The following QRICH2 variants were observed in gnomAD, a reference collection of about 807,000 sequenced individuals.
The protein encoded by QRICH2 is glutamine rich 2.
A neutral mutation model predicts 168.3 loss-of-function variants in QRICH2; 119 were observed. That is an observed-to-expected ratio of 0.71 (90% confidence interval 0.61 to 0.82). The LOEUF is 0.82. Among genes scored for constraint, QRICH2 ranks in the 40% least tolerant of loss-of-function variants. QRICH2 has a pLI of 0.00. For synonymous variants in QRICH2, 894 were observed against 951.2 expected, an observed-to-expected ratio of 0.94 and a Z score of 1.11; for missense variants, 2,241 against 2,491.6, an observed-to-expected ratio of 0.90 and a Z score of 2.14.
chr17:76,281,119 G>A lies in QRICH2; in HGVS notation c.4264-166C>T, dbSNP rs950683373. Among the ~76,000 whole-genome samples, 6 of 152,190 alleles carry A rather than the reference G, an allele frequency of 3.9e-5. No homozygotes were observed. Among genetic ancestry groups the A allele is most frequent in the African/African-American group, 1.2e-4 (5 of 41,446 alleles). ...GCACTTTGGGAAGCTGAGGTGAGGC[G>A]AGAGGATCACTTGAGCCCAGGAGTT... On this transcript the variant is annotated intron_variant, in intron 8 of 18. Coordinates refer to ENST00000680821, the MANE Select transcript of QRICH2 (RefSeq NM_001388453.1). This position sits in a 1 kb window ranked among gnomAD's most constrained non-coding sequence, Gnocchi z 4.4.
In QRICH2 at chr17:76,281,883, T is replaced by G. The variant is rs2070793601; in HGVS notation, c.4244A>C (p.Lys1415Thr). 1 of 1,613,370 alleles carries G rather than the reference T, an allele frequency of 6.2e-7. No individual in the cohort carries two copies. The highest frequency in any genetic ancestry group is 8.5e-7 in the Non-Finnish European group (1 of 1,179,866). ...NSLAVSRPSK[K>T]AKLQRQDEEL... ...CCCCACCTGTCTCTGGAGCTTGGCCTTCTTGGAGGGTCGGGAGACGGCCAG... is the reference window on the plus strand; with the variant it reads ...CCCCACCTGTCTCTGGAGCTTGGCCGTCTTGGAGGGTCGGGAGACGGCCAG... The change falls in exon 8 of 19, where the codon AAG (lysine) becomes ACG (threonine). Residue 1415 changes from lysine to threonine, a missense_variant. This residue lies in a region of QRICH2 where 2,047 missense variants were observed against 2,303.8 expected (regional missense o/e 0.89). Transcript: ENST00000680821. This position sits in a 1 kb window ranked among gnomAD's most constrained non-coding sequence, Gnocchi z 4.4.
At chr17:76,309,533 A>G (rs1366987700), upstream of QRICH2, 1 of 152,168 alleles carries the variant, frequency 6.6e-6, no homozygotes, top group Non-Finnish European at 1.5e-5. Context: ...TAACAGAAGC[A>G]CAGCAAGGCT....
In QRICH2 at chr17:76,292,649, G is replaced by T; in HGVS notation, c.2078C>A (p.Pro693His). The T allele has an allele frequency of 6.2e-7, 1 of 1,614,106 alleles. No individual in the cohort carries two copies. Among genetic ancestry groups the T allele is most frequent in the Non-Finnish European group, 8.5e-7 (1 of 1,180,030 alleles). The change falls in exon 4 of 19, where the codon CCT becomes CAT. Residue 693 changes from proline to histidine, a missense_variant. Transcript: ENST00000680821. ...CACCACATCAATCTGATCTGCACCA[G>T]GTTGGACCAAGCCAGGCTGATATGC... ...PGAYQPGLVQ[P>H]GADQIDVVQP...
At chr17:76,295,465 G>C (rs1230377443) in intron 3 of QRICH2, among the ~76,000 whole-genome samples, 3 of 151,786 alleles carry the variant, frequency 2.0e-5, no homozygotes, top group African/African-American at 7.3e-5. Flanking sequence ...GACCAGCTTG[G>C]CCAACATGGT....
chr17:76,308,517 C>A (rs2071025454), upstream of QRICH2: 1 of 984,848 alleles, frequency 1.0e-6, no homozygotes, highest in South Asian at 4.7e-5. Flanking sequence ...TCCTGGCAAC[C>A]ATGCTTTGTG....
chr17:76,304,042 A>T (rs1010689043), intron 3 of QRICH2, among the ~76,000 whole-genome samples: 2 of 152,150 alleles, frequency 1.3e-5, no homozygotes, highest in African/African-American at 4.8e-5. Flanking sequence ...ACACTCAGGT[A>T]CGATTTTTCT....
chr17:76,279,303 T>C (rs916847456), intron 13 of QRICH2, 60 bp downstream of exon 13: 3 of 1,452,574 alleles, frequency 2.1e-6, no homozygotes, highest in Non-Finnish European at 1.9e-6. Context: ...TGGACACAGG[T>C]GAAGGGAGGA....
chr17:76,306,354 TGGCCTCTTCTTCCTGCCTCTTCCC>T (rs1362151889), intron 1 of QRICH2, among the ~76,000 whole-genome samples: 3 of 152,102 alleles, frequency 2.0e-5, no homozygotes, highest in African/African-American at 4.8e-5. Context: ...TGCTGGGGCT[TGGCCTCTTCTTCCTGCCTCTTCCC>T]GGCCTCTTTT....
intron 1 of QRICH2, among the ~76,000 whole-genome samples, chr17:76,306,416 C>T (rs999772588): frequency 2.6e-5 from 4 of 152,120 alleles, no homozygotes; most frequent in African/African-American, 9.7e-5. Flanking sequence ...TCTTGGCCTC[C>T]CCACCCAGCT....
At chr17:76,297,567 G>A (rs1197822489) in intron 3 of QRICH2, among the ~76,000 whole-genome samples, 5 of 152,052 alleles carry the variant, frequency 3.3e-5, no homozygotes, top group Admixed American at 1.3e-4. Context: ...ACAATGGCTG[G>A]CACCTGATCA....
In QRICH2 at chr17:76,275,857, C is replaced by A; in HGVS notation, c.5444G>T (p.Arg1815Leu). The A allele has an allele frequency of 6.2e-7, 1 of 1,607,878 alleles. No individual in the cohort carries two copies. The highest frequency in any genetic ancestry group is 1.1e-5 in the South Asian group (1 of 91,076). ...AGCCGAAATCTGGGCGCTCTGTGGC[C>A]GAGAGGGCAGCTGGCCATTGCTGCT... ...SLSSNGQLPS[R>L]PQSAQISAGN... is the part of the protein sequence containing the mutation. Residue 1815 changes from arginine (R) to leucine (L), a missense_variant, in exon 18 of 19, where the codon CGG (arginine) becomes CTG (leucine). This residue lies in a region of QRICH2 where 189 missense variants were observed against 169.3 expected (regional missense o/e 1.12). Transcript: ENST00000680821.
In QRICH2 at chr17:76,307,627, C is replaced by A. The variant is rs947785305; in HGVS notation, c.372G>T (p.Val124=). 28 of 1,511,700 alleles carry A rather than the reference C, an allele frequency of 1.9e-5. No individual in the cohort carries two copies. Among genetic ancestry groups the A allele is most frequent in the Non-Finnish European group, 2.4e-5 (27 of 1,124,862 alleles). The allele number at this position is 1,511,700 out of a possible 1,614,324, so 93.6% of individuals were successfully genotyped here. ...SKQLKRVDGQ[V]QGIATHVQHF... ...GCTGCACGTGCGTGGCGATGCCCTGCACCTGGCCGTCCACACGCTTGAGCT... is the reference window on the plus strand; with the variant it reads ...GCTGCACGTGCGTGGCGATGCCCTGAACCTGGCCGTCCACACGCTTGAGCT... The change falls in exon 1 of 19, where the codon GTG becomes GTT. Residue 124 remains valine (V), a synonymous_variant. Coordinates refer to ENST00000680821, the MANE Select transcript of QRICH2 (RefSeq NM_001388453.1). The surrounding 1 kb of genome is among the most constrained non-coding windows in gnomAD (Gnocchi z 5.3).
intron 5 of QRICH2, among the ~76,000 whole-genome samples, chr17:76,289,220 G>A (rs530241617): frequency 6.6e-6 from 1 of 152,032 alleles, no homozygotes; most frequent in African/African-American, 2.4e-5. Flanking sequence ...ACAGGGTCTT[G>A]CCCTGTCACT....
At chr17:76,276,573 G>A (rs1257011497) in intron 17 of QRICH2, 107 bp downstream of exon 17, 7 of 746,596 alleles carry the variant, frequency 9.4e-6, no homozygotes, top group Non-Finnish European at 1.6e-5. Flanking sequence ...GAATGGAGAA[G>A]GAAGACACCC....
chr17:76,304,970 G>A, intron 1 of QRICH2, 29 bp from the exon 2 acceptor site: 1 of 1,548,118 alleles, frequency 6.5e-7, no homozygotes. Flanking sequence ...AAAGGAGAAT[G>A]ACAGTGGCCC....
At position 76,292,483 on chromosome 17, in the gene QRICH2, C is replaced by G. The variant is rs1568119084; in HGVS notation, c.2244G>C (p.Gln748His). 1 of 1,610,186 alleles carries G rather than the reference C, an allele frequency of 6.2e-7. No individual in the cohort carries two copies. Among genetic ancestry groups the G allele is most frequent in the Non-Finnish European group, 8.5e-7 (1 of 1,178,848 alleles). ...CTGCACCAGGTGGGACCAAACCACG[C>G]TGATGATCTGCACGAGGTTGTGCCA... is the stretch of plus-strand genomic sequence containing the variant. The part of the protein sequence containing the change: ...RGLAQPRADH[Q>H]RGLVPPGADQ... Residue 748 changes from glutamine to histidine, a missense_variant, in exon 4 of 19, where the codon CAG becomes CAC. Coordinates refer to ENST00000680821, the MANE Select transcript of QRICH2 (RefSeq NM_001388453.1).
chr17:76,308,194 G>T lies in QRICH2; in HGVS notation c.-196C>A. 2.0e-6 allele frequency: 2 copies of T among 985,426 alleles called. No individual in the cohort carries two copies. The highest frequency in any genetic ancestry group is 9.4e-5 in the South Asian group (2 of 21,292). The allele number at this position is 985,426 out of a possible 1,614,324, so 61.0% of individuals were successfully genotyped here. On this transcript the variant is annotated 5_prime_UTR_variant, in exon 1 of 19. Coordinates refer to ENST00000680821, the MANE Select transcript of QRICH2 (RefSeq NM_001388453.1). ...TCCGCTCCCCGGCGGGGTCCGCGATGGCCACCCCTCCGCTGTCTGTCGCTG... is the reference window on the plus strand; with the variant it reads ...TCCGCTCCCCGGCGGGGTCCGCGATTGCCACCCCTCCGCTGTCTGTCGCTG...
chr17:76,306,870 G>A (rs923990104), intron 1 of QRICH2, among the ~76,000 whole-genome samples: 2 of 151,502 alleles, frequency 1.3e-5, no homozygotes, highest in Non-Finnish European at 2.9e-5. Context: ...CTGGGTGATA[G>A]AGTGAGACTC....
At chr17:76,303,025 A>G (rs2070930676) in intron 3 of QRICH2, among the ~76,000 whole-genome samples, 1 of 152,062 alleles carries the variant, frequency 6.6e-6, no homozygotes, top group Non-Finnish European at 1.5e-5. Flanking sequence ...CTGCGATTAC[A>G]GGTGTGCACC....
Sources: allele counts gnomAD v4.1 joint callset (sites outside exome capture counted in the v4.1 genomes callset), GRCh38; gene constraint gnomAD v4.1.1; regional missense constraint gnomAD v4.1.1; non-coding constraint Gnocchi (gnomAD v3.1); transcripts MANE v1.5; gene names NCBI Gene and HGNC (gene_info 2026-07-23, HGNC 2026-07-21).